Variants in NAV3 observed in about 807,000 individuals in gnomAD.
The protein encoded by NAV3 is pore membrane and/or filament interacting like protein 1.
NAV3 carries 87 observed loss-of-function variants against 244.7 expected under a neutral mutation model. The ratio of observed to expected loss-of-function variants is 0.36; its 90% CI spans 0.30 to 0.42. NAV3 has a LOEUF of 0.42. NAV3 is among the 20% of genes least tolerant of loss of function. The pLI is 1.00. For missense variants in NAV3, 2,663 were observed against 2,893.3 expected, an observed-to-expected ratio of 0.92 and a Z score of 1.83; for synonymous variants, 1,126 against 1,042.2, an observed-to-expected ratio of 1.08 and a Z score of -1.55.
upstream of NAV3, among the ~76,000 whole-genome samples, chr12:77,828,447 C>G (rs1446364126): frequency 1.3e-5 from 2 of 152,102 alleles, no homozygotes; most frequent in Non-Finnish European, 2.9e-5. Context: ...ATACAATCAT[C>G]TATATTTTAG....
At chr12:77,820,103 TG>T in intron 2 of NAV3, among the ~76,000 whole-genome samples, 1 of 152,096 alleles carries the variant, frequency 6.6e-6, no homozygotes, top group Middle Eastern at 3.2e-3. Context: ...TGTGTGTGTG[TG>T]TGTGTGCACA....
At chr12:77,755,532 CCTTT>C (rs1565800239) in intron 2 of NAV3, among the ~76,000 whole-genome samples, 3 of 37,530 alleles carry the variant, frequency 8.0e-5, no homozygotes, top group African/African-American at 1.5e-4. Context: ...CCTTTCCTTT[CCTTT>C]CCTTTCCTTT....
rs902365472 is a variant in NAV3, at chr12:77,749,767, G to A, written c.72+177501G>A. Among the ~76,000 whole-genome samples the A allele has an allele frequency of 1.4e-4, 21 of 152,174 alleles. 1 individual carries two copies. The highest frequency in any genetic ancestry group is 1.9e-4 in the East Asian group (1 of 5,188). On this transcript the variant is annotated intron_variant, in intron 2 of 8. Coordinates refer to the NAV3 transcript ENST00000550042. The stretch of plus-strand genomic sequence containing the variant: ...GTGATATTTAGACCACATCCAGCAG[G>A]TTGTGCTGCTGTCTTTGGGCCATAT...
At chr12:78,139,865 GA>G (rs1222226096) in intron 19 of NAV3, among the ~76,000 whole-genome samples, 2 of 152,046 alleles carry the variant, frequency 1.3e-5, no homozygotes, top group Non-Finnish European at 2.9e-5. Flanking sequence ...ATTATATGGA[GA>G]AAAAAATCTG....
upstream of NAV3, among the ~76,000 whole-genome samples, chr12:77,827,236 CAAAAAAAAAAAAA>C (rs10615824): frequency 4.1e-4 from 28 of 68,550 alleles, no homozygotes; most frequent in Admixed American, 8.4e-4. Context: ...ACTCTGTCTC[CAAAAAAAAAAAAA>C]AAAAAAAAAA....
chr12:77,609,061 G>A (rs1870795238), intron 2 of NAV3, among the ~76,000 whole-genome samples: 2 of 151,966 alleles, frequency 1.3e-5, no homozygotes, highest in East Asian at 3.9e-4. Context: ...CTGACCACTG[G>A]CATATAAATA....
intron 2 of NAV3, among the ~76,000 whole-genome samples, chr12:77,720,300 C>A (rs1251818446): frequency 1.3e-5 from 2 of 152,086 alleles, no homozygotes; most frequent in Non-Finnish European, 2.9e-5. Context: ...GTCACTTTTC[C>A]CAGGCTGTTC....
At chr12:78,139,219 A>C (rs2139045336) in intron 19 of NAV3, among the ~76,000 whole-genome samples, 1 of 152,194 alleles carries the variant, frequency 6.6e-6, no homozygotes, top group African/African-American at 2.4e-5. Context: ...CTATATACTC[A>C]GTTTTAAAAA....
chr12:78,167,121 A>G (rs1426174463), intron 23 of NAV3, among the ~76,000 whole-genome samples: 1 of 151,808 alleles, frequency 6.6e-6, no homozygotes, highest in Non-Finnish European at 1.5e-5. Flanking sequence ...AATGGAAAAT[A>G]TATTAAGTTT....
At chr12:77,894,698 C>A (rs917349628) in intron 1 of NAV3, among the ~76,000 whole-genome samples, 3 of 152,100 alleles carry the variant, frequency 2.0e-5, no homozygotes, top group African/African-American at 7.2e-5. Flanking sequence ...GAGTGAAAAG[C>A]GCTGAGTAGA....
chr12:78,054,423 T>G (rs1327417361), intron 11 of NAV3, among the ~76,000 whole-genome samples: 1 of 152,190 alleles, frequency 6.6e-6, no homozygotes, highest in Non-Finnish European at 1.5e-5. Context: ...TAAACTACAT[T>G]ATAAGCTATG....
At chr12:78,028,430 GA>G (rs1878437324) in intron 9 of NAV3, among the ~76,000 whole-genome samples, 1 of 152,152 alleles carries the variant, frequency 6.6e-6, no homozygotes, top group Non-Finnish European at 1.5e-5. Flanking sequence ...ATGAAAAACT[GA>G]CTCTGGAAAA....
At chr12:78,127,085 T>C (rs1221224423) in intron 16 of NAV3, 82 bp from the exon 17 acceptor site, 3 of 1,414,296 alleles carry the variant, frequency 2.1e-6, no homozygotes, top group Non-Finnish European at 2.0e-6. Flanking sequence ...TTTTTTATAG[T>C]TCAGAGAACC....
At chr12:77,794,351 G>C (rs541354034) in intron 2 of NAV3, among the ~76,000 whole-genome samples, 3 of 152,082 alleles carry the variant, frequency 2.0e-5, no homozygotes, top group African/African-American at 7.2e-5. Context: ...GATCAAATAA[G>C]TAAACTTTTT....
chr12:77,670,122 G>C (rs968454288), intron 2 of NAV3, among the ~76,000 whole-genome samples: 2 of 151,992 alleles, frequency 1.3e-5, no homozygotes, highest in Non-Finnish European at 2.9e-5. Context: ...TATTACAATT[G>C]ATACCACAGA....
In NAV3 at chr12:78,147,894, A is replaced by G. The variant is rs557522284; in HGVS notation, c.4708-948A>G. On this transcript the variant is annotated intron_variant, in intron 21 of 39. Coordinates refer to ENST00000397909, the MANE Select transcript of NAV3 (RefSeq NM_001024383.2). ...ATCAAAAGTAGAATGTTTAACATCC[A>G]AGTAACTGAAATCCCTTGAGACTAG... Among the ~76,000 whole-genome samples the G allele has an allele frequency of 2.0e-5, 3 of 152,198 alleles. No homozygotes were observed. The East Asian group carries it at 5.8e-4, about 29-fold the overall frequency.
intron 12 of NAV3, among the ~76,000 whole-genome samples, chr12:78,083,680 A>C (rs1953476792): frequency 6.6e-6 from 1 of 152,006 alleles, no homozygotes; most frequent in Non-Finnish European, 1.5e-5. Flanking sequence ...CTTAGTGAAA[A>C]CTTCACCTTC....
At chr12:77,740,796 T>A (rs115373283) in intron 2 of NAV3, among the ~76,000 whole-genome samples, 1,929 of 152,096 alleles carry the variant, frequency 0.013, 42 homozygotes, top group African/African-American at 0.044. Context: ...TGGGGGGCTA[T>A]GAGAAGGCAG....
chr12:78,050,021 A>G lies in NAV3; in HGVS notation c.2052A>G (p.Arg684=). The G allele has an allele frequency of 1.2e-6, 2 of 1,612,792 alleles. No homozygotes were observed. Among genetic ancestry groups the G allele is most frequent in the Non-Finnish European group, 1.7e-6 (2 of 1,179,604 alleles). ...AAGACCCTGAAACAAGAAGAATGAG[A>G]ACAGTTAAAAACATAGCAGACTTGA... ...SGEDPETRRM[R]TVKNIADLRQ... is the part of the protein sequence containing the mutation. The change falls in exon 10 of 40, where the codon AGA becomes AGG. Residue 684 remains arginine (R), a synonymous_variant. Coordinates refer to ENST00000397909, the MANE Select transcript of NAV3 (RefSeq NM_001024383.2).
Sources: gnomAD v4.1 joint callset for allele counts (sites outside exome capture counted in the v4.1 genomes callset) on GRCh38, gnomAD v4.1.1 for gene constraint, MANE v1.5 for transcripts, NCBI Gene and HGNC (gene_info 2026-07-23, HGNC 2026-07-21) for gene names.